Variants in CSMD3 observed in about 807,000 individuals in gnomAD.
CSMD3 encodes the protein CUB and Sushi multiple domains 3.
CSMD3 carries 177 observed loss-of-function variants against 435.2 expected under a neutral mutation model. The observed-to-expected ratio is 0.41, with a 90% CI of 0.36 to 0.46. CSMD3 has a LOEUF of 0.46. Among genes scored for constraint, CSMD3 ranks in the 20% least tolerant of loss-of-function variants. The pLI, the probability that CSMD3 is intolerant of heterozygous loss-of-function variation, is 0.34. For synonymous variants in CSMD3, 1,656 were observed against 1,520.5 expected (o/e 1.09, Z -2.07); for missense variants, 4,265 against 4,504.6 (o/e 0.95, Z 1.52).
At chr8:113,151,534 T>C (rs529499377) in intron 4 of CSMD3, among the ~76,000 whole-genome samples, 1 of 152,040 alleles carries the variant, frequency 6.6e-6, no homozygotes, top group South Asian at 2.1e-4. Flanking sequence ...ATGGCAAGAA[T>C]AATATAAACA....
intron 41 of CSMD3, among the ~76,000 whole-genome samples, chr8:112,342,291 T>A (rs541866308): frequency 6.6e-6 from 1 of 152,134 alleles, no homozygotes; most frequent in African/African-American, 2.4e-5. Flanking sequence ...CATATTGCAA[T>A]GTAATCTCAA....
intron 10 of CSMD3, among the ~76,000 whole-genome samples, chr8:112,895,505 G>A (rs976711013): frequency 4.0e-5 from 6 of 151,200 alleles, no homozygotes; most frequent in African/African-American, 1.2e-4. Flanking sequence ...TCTGAGTAAG[G>A]CTGAAAAATA....
At chr8:112,487,249 T>C (rs1221370125) in intron 31 of CSMD3, among the ~76,000 whole-genome samples, 2 of 152,270 alleles carry the variant, frequency 1.3e-5, no homozygotes, top group Middle Eastern at 3.4e-3. Flanking sequence ...CTGGGAGCTC[T>C]GAGGAGCACG....
At chr8:112,600,443 G>A (rs1045179570) in intron 22 of CSMD3, among the ~76,000 whole-genome samples, 7 of 152,032 alleles carry the variant, frequency 4.6e-5, no homozygotes, top group Non-Finnish European at 1.0e-4. Context: ...CTCATTTAAC[G>A]CAACCGATAA....
intron 28 of CSMD3, among the ~76,000 whole-genome samples, chr8:112,515,138 T>C (rs1563643975): frequency 6.6e-6 from 1 of 152,134 alleles, no homozygotes; most frequent in Non-Finnish European, 1.5e-5. Context: ...AAGTTTTTCA[T>C]CTTTTGCACC....
At chr8:113,151,456 T>C (rs182357673) in intron 4 of CSMD3, among the ~76,000 whole-genome samples, 2 of 151,810 alleles carry the variant, frequency 1.3e-5, no homozygotes, top group East Asian at 3.9e-4. Context: ...TAAATAATAA[T>C]AACATAATAT....
intron 4 of CSMD3, among the ~76,000 whole-genome samples, chr8:113,173,119 A>C (rs1356847281): frequency 6.6e-6 from 1 of 152,158 alleles, no homozygotes; most frequent in Non-Finnish European, 1.5e-5. Flanking sequence ...AGCCTAATTA[A>C]ATTTCTAATC....
chr8:113,088,091 C>T (rs1296778646), intron 5 of CSMD3, among the ~76,000 whole-genome samples: 1 of 149,674 alleles, frequency 6.7e-6, no homozygotes, highest in Non-Finnish European at 1.5e-5. Flanking sequence ...TTTGTGCAGC[C>T]AAAAAACACA....
At chr8:112,765,242 T>C (rs912050451) in intron 13 of CSMD3, among the ~76,000 whole-genome samples, 3 of 151,636 alleles carry the variant, frequency 2.0e-5, no homozygotes, top group African/African-American at 7.3e-5. Flanking sequence ...GGATGATTTT[T>C]AATTGTCAGG....
intron 5 of CSMD3, among the ~76,000 whole-genome samples, chr8:113,086,776 T>A (rs1047301528): frequency 4.6e-5 from 7 of 152,152 alleles, no homozygotes; most frequent in African/African-American, 1.7e-4. Context: ...CTAATCCTCT[T>A]TAGCAAATTG....
At chr8:113,404,415 G>T (rs2094523541) in intron 1 of CSMD3, among the ~76,000 whole-genome samples, 1 of 151,252 alleles carries the variant, frequency 6.6e-6, no homozygotes, top group Non-Finnish European at 1.5e-5. Flanking sequence ...AGTTACAAGA[G>T]AATTCGACTT....
At chr8:112,413,849 T>G (rs1186469795) in intron 32 of CSMD3, among the ~76,000 whole-genome samples, 2 of 152,178 alleles carry the variant, frequency 1.3e-5, no homozygotes, top group Non-Finnish European at 2.9e-5. Flanking sequence ...ACTATTTTAC[T>G]TCTGTGTCTG....
chr8:113,417,150 G>A (rs561602023), intron 1 of CSMD3, among the ~76,000 whole-genome samples: 2 of 151,912 alleles, frequency 1.3e-5, no homozygotes, highest in Non-Finnish European at 2.9e-5. Context: ...AAAGCATGTC[G>A]CACTATAACT....
At chr8:112,423,161 C>A (rs181846430) in intron 32 of CSMD3, among the ~76,000 whole-genome samples, 1 of 151,770 alleles carries the variant, frequency 6.6e-6, no homozygotes, top group Admixed American at 6.6e-5. Flanking sequence ...TTTTCAGAAA[C>A]AGTCTTAAAC....
intron 1 of CSMD3, among the ~76,000 whole-genome samples, chr8:113,320,544 T>C (rs912748554): frequency 1.3e-5 from 2 of 152,152 alleles, no homozygotes; most frequent in Admixed American, 6.5e-5. Context: ...CACAAAACAC[T>C]GCAACTGAGC....
At position 112,352,480 on chromosome 8, in the gene CSMD3, A is replaced by G; in HGVS notation, c.6191T>C (p.Ile2064Thr). The G allele has an allele frequency of 6.2e-7, 1 of 1,613,720 alleles. No individual in the cohort carries two copies. Among genetic ancestry groups the G allele is most frequent in the Non-Finnish European group, 8.5e-7 (1 of 1,179,764 alleles). Residue 2064 changes from isoleucine to threonine, a missense_variant, in exon 39 of 71, where the codon ATT becomes ACT. Transcript: ENST00000297405. ...EPQTPSSGIK[I>T]GDRYMVGDVV... is the part of the protein sequence containing the mutation. ...ATCTCCAACCATATATCTGTCTCCA[A>G]TTTTAATTCCACTGCTAGGAGTTTG...
At chr8:112,781,354 G>C (rs2078381049) in intron 13 of CSMD3, among the ~76,000 whole-genome samples, 1 of 151,984 alleles carries the variant, frequency 6.6e-6, no homozygotes, top group South Asian at 2.1e-4. Flanking sequence ...GGAAAAAAGA[G>C]GAAAAAGTAA....
intron 30 of CSMD3, among the ~76,000 whole-genome samples, chr8:112,494,347 G>C (rs186080882): frequency 8.1e-6 from 1 of 123,800 alleles, no homozygotes; most frequent in Non-Finnish European, 1.7e-5. Flanking sequence ...TTGTTCTTTC[G>C]TTCTTTCTTT....
chr8:112,662,764 A>C (rs952526112), intron 17 of CSMD3, among the ~76,000 whole-genome samples: 2 of 152,206 alleles, frequency 1.3e-5, no homozygotes, highest in African/African-American at 2.4e-5. Flanking sequence ...AAATTTTTGC[A>C]ATCTACTCAT....
Sources: allele counts gnomAD v4.1 joint callset (sites outside exome capture counted in the v4.1 genomes callset), GRCh38; gene constraint gnomAD v4.1.1; transcripts MANE v1.5; gene names NCBI Gene and HGNC (gene_info 2026-07-23, HGNC 2026-07-21).